The following CARMIL1 variants were observed in gnomAD, a reference collection of about 807,000 sequenced individuals.
CARMIL1 encodes the protein F-actin-uncapping protein LRRC16A.
Under a neutral mutation model 177.1 loss-of-function variants are expected in CARMIL1, and 90 were observed. The observed-to-expected ratio is 0.51, with a 90% CI of 0.43 to 0.61. The LOEUF is 0.61. Ranked by LOEUF, CARMIL1 falls within the 20% of genes least tolerant of loss-of-function variation. CARMIL1 has a pLI of 0.00. For missense variants in CARMIL1, 1,380 were observed against 1,667.0 expected, an observed-to-expected ratio of 0.83 and a Z score of 3.00; for synonymous variants, 577 against 606.2, an observed-to-expected ratio of 0.95 and a Z score of 0.71.
intron 28 of CARMIL1, among the ~76,000 whole-genome samples, chr6:25,556,252 G>A (rs1027782759): frequency 6.6e-6 from 1 of 151,948 alleles, no homozygotes; most frequent in African/African-American, 2.4e-5. Context: ...GTATAACACT[G>A]GAAATTAAGA....
intron 2 of CARMIL1, among the ~76,000 whole-genome samples, chr6:25,390,347 G>T (rs1792674593): frequency 8.6e-6 from 1 of 116,034 alleles, no homozygotes; most frequent in African/African-American, 3.1e-5. Context: ...TTTGAGACAG[G>T]GTCTCAGTCT....
chr6:25,361,997 AAG>A (rs1488446892), intron 2 of CARMIL1, among the ~76,000 whole-genome samples: 1 of 152,182 alleles, frequency 6.6e-6, no homozygotes, highest in Non-Finnish European at 1.5e-5. Context: ...TAAAAAAAGA[AAG>A]AAAAAATTTT....
At chr6:25,301,854 C>A (rs186124274) in intron 2 of CARMIL1, among the ~76,000 whole-genome samples, 23 of 152,330 alleles carry the variant, frequency 1.5e-4, no homozygotes, top group African/African-American at 5.3e-4. Context: ...GGGCGTACTT[C>A]AGAAAACTTC....
chr6:25,594,595 A>G (rs1317050127), intron 32 of CARMIL1, 68 bp downstream of exon 32: 1 of 896,760 alleles, frequency 1.1e-6, no homozygotes, highest in Non-Finnish European at 1.8e-6. Context: ...AGTTACAATT[A>G]AACTTAGTAT....
chr6:25,413,521 T>C (rs1381885993), intron 2 of CARMIL1, among the ~76,000 whole-genome samples: 1 of 152,232 alleles, frequency 6.6e-6, no homozygotes, highest in African/African-American at 2.4e-5. Context: ...TAAGAAAACA[T>C]AGGCTTCTCT....
rs1468828210 is a variant in CARMIL1, at chr6:25,509,756, A to C, written c.1477+19A>C. ...GACAATGGTAAGTCAGATATTGAAA[A>C]GAAATGAAACTGAAATATTTTTTGA... On this transcript the variant is annotated intron_variant, in intron 18 of 36. Transcript: ENST00000329474. This position sits in a 1 kb window ranked among gnomAD's most constrained non-coding sequence, Gnocchi z 4.1. 6.6e-7 allele frequency: 1 copy of C among 1,509,562 alleles called. No individual in the cohort carries two copies. Among genetic ancestry groups the C allele is most frequent in the Admixed American group, 1.9e-5 (1 of 51,612 alleles). 93.5% of individuals were successfully genotyped at this position (1,509,562 alleles called of 1,614,324 possible).
At chr6:25,499,876 A>G (rs578246409) in intron 16 of CARMIL1, among the ~76,000 whole-genome samples, 3 of 152,306 alleles carry the variant, frequency 2.0e-5, no homozygotes, top group Admixed American at 6.5e-5. Flanking sequence ...TCAGTATGCA[A>G]TTAGGTGTGC....
At chr6:25,441,808 C>T (rs1468502870) in intron 5 of CARMIL1, among the ~76,000 whole-genome samples, 1 of 152,070 alleles carries the variant, frequency 6.6e-6, no homozygotes, top group African/African-American at 2.4e-5. Flanking sequence ...TCTGTGATGG[C>T]AGTTCTCTTC....
chr6:25,478,375 C>G (rs1216826489), intron 11 of CARMIL1, among the ~76,000 whole-genome samples: 3 of 152,242 alleles, frequency 2.0e-5, no homozygotes, highest in South Asian at 4.2e-4. Flanking sequence ...AAGTTACCTA[C>G]CTTCTCTGTA....
chr6:25,593,002 CT>C (rs575887585), intron 31 of CARMIL1, among the ~76,000 whole-genome samples: 63 of 152,334 alleles, frequency 4.1e-4, no homozygotes, highest in African/African-American at 1.5e-3. Context: ...CTGATAGCTT[CT>C]CACCAGCCTC....
intron 2 of CARMIL1, among the ~76,000 whole-genome samples, chr6:25,316,789 A>ACGTAAC (rs757145491): frequency 2.6e-5 from 4 of 152,078 alleles, no homozygotes; most frequent in Non-Finnish European, 5.9e-5. Flanking sequence ...TCTGTCTGTA[A>ACGTAAC]CTGACTGTGG....
intron 26 of CARMIL1, among the ~76,000 whole-genome samples, chr6:25,546,987 G>C (rs1007351579): frequency 5.3e-5 from 8 of 150,408 alleles, no homozygotes; most frequent in African/African-American, 1.5e-4. Flanking sequence ...CCCGGGAGAT[G>C]GAAGTTGCAG....
At chr6:25,435,448 CT>C (rs774408234) in intron 4 of CARMIL1, 34 bp from the exon 5 acceptor site, 1 of 1,544,544 alleles carries the variant, frequency 6.5e-7, no homozygotes, top group Non-Finnish European at 8.7e-7. Flanking sequence ...AGGAATTGGA[CT>C]CATTCTTAAG....
intron 2 of CARMIL1, among the ~76,000 whole-genome samples, chr6:25,309,304 C>G (rs1246715897): frequency 2.8e-5 from 4 of 141,570 alleles, no homozygotes; most frequent in African/African-American, 1.1e-4. Flanking sequence ...GCAATGAGCT[C>G]AGATCATGCC....
At chr6:25,562,757 G>A (rs1416346486) in intron 29 of CARMIL1, among the ~76,000 whole-genome samples, 1 of 152,062 alleles carries the variant, frequency 6.6e-6, no homozygotes, top group Non-Finnish European at 1.5e-5. Flanking sequence ...GGGAGAAGAT[G>A]GGGCATACTA....
intron 36 of CARMIL1, chr6:25,612,723 T>A: frequency 1.0e-6 from 1 of 980,036 alleles, no homozygotes; most frequent in Non-Finnish European, 1.2e-6. Flanking sequence ...GTAAAATAAA[T>A]CCCTTTTCCT....
intron 33 of CARMIL1, among the ~76,000 whole-genome samples, chr6:25,604,079 A>G (rs191681765): frequency 1.1e-4 from 17 of 152,082 alleles, no homozygotes; most frequent in African/African-American, 3.4e-4. Flanking sequence ...AATTATATAT[A>G]TATTTTTAAA....
intron 8 of CARMIL1, among the ~76,000 whole-genome samples, chr6:25,459,264 T>A: frequency 8.1e-6 from 1 of 123,400 alleles, no homozygotes; most frequent in Non-Finnish European, 1.7e-5. Context: ...CTTTCTTTCT[T>A]TCTTTTTTTT....
Position 25,449,937 on chromosome 6 carries a change from C to T in CARMIL1, c.411C>T (p.Arg137=), listed in dbSNP as rs1317234633. ...AAGTCTCCATGGAGCCATCTGAGCG[C>T]CTGGCTAGTCTCCAGGCGCTGTGGG... ...MKKVSMEPSE[R]LASLQALWDS... The change falls in exon 6 of 37, where the codon CGC becomes CGT. Residue 137 remains arginine, a synonymous_variant. Coordinates refer to ENST00000329474, the MANE Select transcript of CARMIL1 (RefSeq NM_017640.6). 1 of 1,611,852 alleles carries T rather than the reference C, an allele frequency of 6.2e-7. No individual in the cohort carries two copies. The highest frequency in any genetic ancestry group is 1.7e-5 in the Admixed American group (1 of 59,814).
Sources: allele counts gnomAD v4.1 joint callset (sites outside exome capture counted in the v4.1 genomes callset), GRCh38; gene constraint gnomAD v4.1.1; non-coding constraint Gnocchi (gnomAD v3.1); transcripts MANE v1.5; gene names NCBI Gene and HGNC (gene_info 2026-07-23, HGNC 2026-07-21).